ZNF354A: variants seen among roughly 807,000 people sequenced by gnomAD.
The protein encoded by ZNF354A is zinc finger protein 354A.
In ZNF354A, 25 loss-of-function variants were observed where a neutral mutation model predicts 53.3. That is an observed-to-expected ratio of 0.47 (90% confidence interval 0.34 to 0.66). ZNF354A has a LOEUF of 0.66. Ranked by LOEUF, ZNF354A falls within the 30% of genes least tolerant of loss-of-function variation. The pLI, the probability that ZNF354A is intolerant of heterozygous loss-of-function variation, is 0.01. For synonymous variants in ZNF354A, 228 were observed against 249.0 expected (o/e 0.92, Z 0.79); for missense variants, 586 against 716.8 (o/e 0.82, Z 2.08).
chr5:178,720,530 G>A (rs1765794346), intron 4 of ZNF354A, among the ~76,000 whole-genome samples: 1 of 152,164 alleles, frequency 6.6e-6, no homozygotes, highest in African/African-American at 2.4e-5. Flanking sequence ...TGCAGGCCAC[G>A]GAGATCTCCA....
chr5:178,727,618 C>G (rs1283307639), intron 2 of ZNF354A, among the ~76,000 whole-genome samples: 1 of 152,054 alleles, frequency 6.6e-6, no homozygotes, highest in Non-Finnish European at 1.5e-5. Flanking sequence ...ATAGTAATGA[C>G]GAAAAGTAAA....
At chr5:178,722,991 GT>G (rs1350389545) in intron 4 of ZNF354A, among the ~76,000 whole-genome samples, 1 of 152,224 alleles carries the variant, frequency 6.6e-6, no homozygotes, top group Admixed American at 6.5e-5. Context: ...GAGGCCCTGA[GT>G]GGGGGCCTGC....
At chr5:178,725,171 T>G (rs1355219665) in intron 4 of ZNF354A, among the ~76,000 whole-genome samples, 1 of 152,222 alleles carries the variant, frequency 6.6e-6, no homozygotes, top group African/African-American at 2.4e-5. Context: ...TACAGCCCTA[T>G]TCTAAAACAA....
At chr5:178,720,816 C>T (rs1332711947) in intron 4 of ZNF354A, among the ~76,000 whole-genome samples, 1 of 152,076 alleles carries the variant, frequency 6.6e-6, no homozygotes, top group Non-Finnish European at 1.5e-5. Flanking sequence ...CTTAGCACAT[C>T]CATCAAAATT....
intron 2 of ZNF354A, 90 bp from the exon 3 acceptor site, chr5:178,727,215 C>T (rs1157611771): frequency 7.3e-7 from 1 of 1,363,736 alleles, no homozygotes. Flanking sequence ...CCGTGAAACA[C>T]TTCCCATACT....
intron 3 of ZNF354A, chr5:178,726,061 C>T: frequency 2.4e-6 from 1 of 414,738 alleles, no homozygotes; most frequent in Non-Finnish European, 4.9e-6. Context: ...CCAGGATGGT[C>T]TTGATCTTCT....
chr5:178,725,861 T>C (rs994237235), intron 3 of ZNF354A, among the ~76,000 whole-genome samples: 9 of 152,182 alleles, frequency 5.9e-5, no homozygotes, highest in Non-Finnish European at 1.3e-4. Flanking sequence ...TCCGCTTTTT[T>C]TTTCTGAGGA....
chr5:178,713,214 T>C lies in ZNF354A; in HGVS notation c.664A>G (p.Thr222Ala). The change falls in exon 5 of 5, where the codon ACC (threonine) becomes GCC (alanine). Residue 222 changes from threonine to alanine, a missense_variant. Thr to Ala is a moderately conservative substitution (Grantham distance 58). Coordinates refer to ENST00000335815, the MANE Select transcript of ZNF354A (RefSeq NM_005649.3). Reference sequence around the variant, plus strand: ...CGAAGGGATGAAGTGTTAATGAAGGTTTTTTCACACAGACTACATTTATAG... The same window carrying C: ...CGAAGGGATGAAGTGTTAATGAAGGCTTTTTCACACAGACTACATTTATAG... ...KRYKCSLCEK[T>A]FINTSSLRKH... 1 of 1,614,134 alleles carries C rather than the reference T, an allele frequency of 6.2e-7. No homozygotes were observed. Among genetic ancestry groups the C allele is most frequent in the Non-Finnish European group, 8.5e-7 (1 of 1,180,010 alleles).
At chr5:178,717,117 A>T (rs575190845) in intron 4 of ZNF354A, among the ~76,000 whole-genome samples, 1 of 152,010 alleles carries the variant, frequency 6.6e-6, no homozygotes, top group Non-Finnish European at 1.5e-5. Context: ...AATAAAAAAC[A>T]AAAGAGTGGA....
chr5:178,725,628 G>C (rs1474356483), intron 3 of ZNF354A, among the ~76,000 whole-genome samples, 157 bp from the exon 4 acceptor site: 1 of 152,190 alleles, frequency 6.6e-6, no homozygotes, highest in African/African-American at 2.4e-5. Flanking sequence ...TAAGGCGGTA[G>C]GGTGAGGAAA....
At chr5:178,730,014 C>G (rs1288217407) in intron 1 of ZNF354A, among the ~76,000 whole-genome samples, 1 of 152,060 alleles carries the variant, frequency 6.6e-6, no homozygotes, top group Non-Finnish European at 1.5e-5. Context: ...CAGGCGCCCG[C>G]CACTACGCCC....
At chr5:178,714,796 T>TACATAC (rs1225543520) in intron 4 of ZNF354A, among the ~76,000 whole-genome samples, 1 of 152,164 alleles carries the variant, frequency 6.6e-6, no homozygotes, top group Non-Finnish European at 1.5e-5. Flanking sequence ...GTGTTATACA[T>TACATAC]ACATACACAT....
At chr5:178,714,486 T>C (rs1050801488) in intron 4 of ZNF354A, among the ~76,000 whole-genome samples, 8 of 152,230 alleles carry the variant, frequency 5.3e-5, no homozygotes, top group African/African-American at 1.9e-4. Flanking sequence ...CTTTATAATA[T>C]ATGCACACAT....
intron 3 of ZNF354A, 25 bp downstream of exon 3, chr5:178,726,974 G>A (rs1554094661): frequency 1.3e-6 from 2 of 1,589,434 alleles, no homozygotes; most frequent in East Asian, 2.2e-5. Flanking sequence ...TTTGAATTCT[G>A]TTTCTAGAGG....
intron 4 of ZNF354A, among the ~76,000 whole-genome samples, chr5:178,717,991 T>C (rs1015829166): frequency 3.3e-5 from 5 of 152,100 alleles, no homozygotes; most frequent in Non-Finnish European, 7.4e-5. Flanking sequence ...AATAGAAACA[T>C]CAAGAGCAGA....
intron 4 of ZNF354A, among the ~76,000 whole-genome samples, chr5:178,716,443 C>T (rs890579978): frequency 1.6e-4 from 24 of 152,158 alleles, no homozygotes; most frequent in African/African-American, 3.9e-4. Context: ...ACTTGTTTAT[C>T]TTTACATATG....
At position 178,713,593 on chromosome 5, in the gene ZNF354A, C is replaced by G; in HGVS notation, c.285G>C (p.Lys95Asn). The stretch of plus-strand genomic sequence containing the variant: ...ATGAAGAGTCTTGTGTTTGCGTTGA[C>G]TTTGTGGTTTTATGACTGCTCTTCG... ...LGSKSSHKTT[K>N]STQTQDSSFQ... is the part of the protein sequence containing the mutation. The change falls in exon 5 of 5, where the codon AAG (lysine) becomes AAC (asparagine). Residue 95 changes from lysine to asparagine, a missense_variant. Transcript: ENST00000335815. 1 of 1,570,972 alleles carries G rather than the reference C, an allele frequency of 6.4e-7. No individual in the cohort carries two copies. The highest frequency in any genetic ancestry group is 8.6e-7 in the Non-Finnish European group (1 of 1,167,350).
At chr5:178,714,046 G>A (rs527718572) in intron 4 of ZNF354A, among the ~76,000 whole-genome samples, 30 of 149,142 alleles carry the variant, frequency 2.0e-4, no homozygotes, top group African/African-American at 3.2e-4. Context: ...TCACTCTGTC[G>A]CCCAGGCTCG....
At chr5:178,727,587 T>C (rs930997480) in intron 2 of ZNF354A, among the ~76,000 whole-genome samples, 2 of 152,224 alleles carry the variant, frequency 1.3e-5, no homozygotes, top group African/African-American at 2.4e-5. Flanking sequence ...GTACTCTCTA[T>C]GTGCTTACTC....
Sources: allele counts gnomAD v4.1 joint callset (sites outside exome capture counted in the v4.1 genomes callset), GRCh38; gene constraint gnomAD v4.1.1; transcripts MANE v1.5; gene names NCBI Gene and HGNC (gene_info 2026-07-23, HGNC 2026-07-21).